GLO1: variants seen among roughly 807,000 people sequenced by gnomAD.
GLO1 encodes lactoylglutathione lyase.
A neutral mutation model predicts 26.0 loss-of-function variants in GLO1; 28 were observed. The ratio of observed to expected loss-of-function variants is 1.08; its 90% confidence interval spans 0.80 to 1.48. The LOEUF (loss-of-function observed/expected upper bound fraction) is 1.48. GLO1 is among the 40% of genes most tolerant of loss of function. The probability of loss-of-function intolerance (pLI) is 0.00; values close to 1 mark genes in which losing one functional copy is unlikely to be tolerated. For synonymous variants in GLO1, 78 were observed against 77.6 expected, an observed-to-expected ratio of 1.00 and a Z score of -0.03; for missense variants, 225 against 224.8, an observed-to-expected ratio of 1.00 and a Z score of -0.01.
At chr6:38,685,887 C>T (rs1462683858) in intron 2 of GLO1, among the ~76,000 whole-genome samples, 2 of 152,186 alleles carry the variant, frequency 1.3e-5, no homozygotes, top group African/African-American at 4.8e-5. Flanking sequence ...GGTTCCAGCC[C>T]TGCCATATGC....
intron 2 of GLO1, among the ~76,000 whole-genome samples, chr6:38,686,230 A>C (rs560403783): frequency 2.0e-5 from 3 of 152,288 alleles, no homozygotes; most frequent in Non-Finnish European, 4.4e-5. Context: ...TATATTACTT[A>C]AATTTTTCTC....
intron 1 of GLO1, among the ~76,000 whole-genome samples, chr6:38,699,614 C>T (rs1006687811): frequency 1.3e-5 from 2 of 152,020 alleles, no homozygotes; most frequent in Non-Finnish European, 2.9e-5. Context: ...GGGAAAGGAA[C>T]GCATTCCTGG....
chr6:38,703,074 A>T lies in GLO1; in HGVS notation c.-20T>A. The T allele has an allele frequency of 7.0e-7, 1 of 1,438,574 alleles. No individual in the cohort carries two copies. Among genetic ancestry groups the T allele is most frequent in the East Asian group, 2.3e-5 (1 of 42,768 alleles). The allele number at this position is 1,438,574 out of a possible 1,614,324, so 89.1% of individuals were successfully genotyped here. A position where few individuals can be genotyped will look rare whatever the true frequency, so the allele number is the denominator to read the frequency against. On this transcript the variant is annotated 5_prime_UTR_variant, in exon 1 of 6. Transcript: ENST00000373365. Reference sequence around the variant, plus strand: ...TGCCATGGCTGCGCTGCAGTATCACAGACGACGGGACCCAAGGAACGGAGG... The same window carrying T: ...TGCCATGGCTGCGCTGCAGTATCACTGACGACGGGACCCAAGGAACGGAGG...
intron 1 of GLO1, among the ~76,000 whole-genome samples, chr6:38,694,561 C>A (rs1418639411): frequency 6.6e-6 from 1 of 151,912 alleles, no homozygotes; most frequent in Non-Finnish European, 1.5e-5. Context: ...CACATGTAGC[C>A]CCAGCTCCTT....
intron 1 of GLO1, among the ~76,000 whole-genome samples, chr6:38,702,674 G>T (rs1208440741): frequency 6.6e-6 from 1 of 152,176 alleles, no homozygotes; most frequent in African/African-American, 2.4e-5. Context: ...GGGCCTTGGC[G>T]ACTGATTTGG....
intron 3 of GLO1, among the ~76,000 whole-genome samples, chr6:38,683,894 A>T (rs1045044636): frequency 6.6e-5 from 10 of 151,610 alleles, no homozygotes; most frequent in African/African-American, 2.4e-4. Flanking sequence ...CTCAAAAAAT[A>T]AATAAATAAA....
chr6:38,695,235 G>A (rs1183058001), intron 1 of GLO1, among the ~76,000 whole-genome samples: 1 of 151,792 alleles, frequency 6.6e-6, no homozygotes, highest in Non-Finnish European at 1.5e-5. Context: ...TATCTGTAGT[G>A]TTTTTGCATG....
At chr6:38,698,775 G>T (rs1295552529) in intron 1 of GLO1, among the ~76,000 whole-genome samples, 1 of 148,492 alleles carries the variant, frequency 6.7e-6, no homozygotes, top group Non-Finnish European at 1.5e-5. Context: ...TACATTCTCT[G>T]GACTTCCTTT....
chr6:38,688,878 G>A (rs1761493380), intron 1 of GLO1, among the ~76,000 whole-genome samples: 1 of 152,220 alleles, frequency 6.6e-6, no homozygotes, highest in Non-Finnish European at 1.5e-5. Context: ...GGATTACTGA[G>A]GTGGATTCAA....
At chr6:38,682,729 G>A (rs919768079) in intron 4 of GLO1, 79 bp downstream of exon 4, 27 of 731,358 alleles carry the variant, frequency 3.7e-5, no homozygotes, top group Non-Finnish European at 5.6e-5. Context: ...AATGTTTTAG[G>A]TTTATTAAAA....
chr6:38,701,259 T>A (rs1186868234), intron 1 of GLO1, among the ~76,000 whole-genome samples: 1 of 152,186 alleles, frequency 6.6e-6, no homozygotes, highest in East Asian at 1.9e-4. Flanking sequence ...TATGCCTTCT[T>A]CATAGGGTTG....
intron 1 of GLO1, among the ~76,000 whole-genome samples, chr6:38,695,642 G>A (rs1339810648): frequency 6.6e-6 from 1 of 152,102 alleles, no homozygotes; most frequent in Non-Finnish European, 1.5e-5. Flanking sequence ...CTTGGCAGGG[G>A]AAGGCTGGGC....
At chr6:38,687,192 G>A (rs1761471690) in intron 1 of GLO1, 1 of 694,510 alleles carries the variant, frequency 1.4e-6, no homozygotes, top group Admixed American at 6.3e-5. Flanking sequence ...TTCAACCAAT[G>A]GTCGATAAAA....
At chr6:38,695,666 T>C (rs1562489997) in intron 1 of GLO1, among the ~76,000 whole-genome samples, 1 of 152,084 alleles carries the variant, frequency 6.6e-6, no homozygotes, top group Non-Finnish European at 1.5e-5. Flanking sequence ...TCATTACATC[T>C]GGTTGGGTGA....
At chr6:38,697,647 T>A (rs1761631474) in intron 1 of GLO1, among the ~76,000 whole-genome samples, 1 of 152,232 alleles carries the variant, frequency 6.6e-6, no homozygotes, top group African/African-American at 2.4e-5. Flanking sequence ...AAACACAATT[T>A]TTCATTGTTT....
At chr6:38,683,242 A>G (rs180743947) in intron 3 of GLO1, 134 of 176,780 alleles carry the variant, frequency 7.6e-4, no homozygotes, top group African/African-American at 3.1e-3. Context: ...TCACAGACTC[A>G]TATCTAAGCC....
intron 5 of GLO1, among the ~76,000 whole-genome samples, chr6:38,679,092 A>G (rs1272087846): frequency 2.6e-5 from 4 of 152,186 alleles, no homozygotes; most frequent in Non-Finnish European, 5.9e-5. Context: ...CAAACAGAAG[A>G]AATATTAGAA....
chr6:38,678,409 GGAAAAGAAAAGAAAA>G (rs67239641), intron 5 of GLO1, among the ~76,000 whole-genome samples: 2 of 142,108 alleles, frequency 1.4e-5, no homozygotes, highest in African/African-American at 5.4e-5. Flanking sequence ...GAAAAGAAAA[GGAAAAGAAAAGAAAA>G]GAAAAGAAAA....
intron 5 of GLO1, among the ~76,000 whole-genome samples, chr6:38,681,180 C>T (rs1761371206): frequency 1.3e-5 from 2 of 152,206 alleles, no homozygotes; most frequent in Non-Finnish European, 2.9e-5. Flanking sequence ...TCTCCTGCCT[C>T]AGCCTCCTGA....
Sources: allele counts gnomAD v4.1 joint callset (sites outside exome capture counted in the v4.1 genomes callset), GRCh38; gene constraint gnomAD v4.1.1; transcripts MANE v1.5; gene names NCBI Gene and HGNC (gene_info 2026-07-23, HGNC 2026-07-21).